Variants in ERBB4 observed in about 807,000 individuals in gnomAD.
ERBB4 encodes the protein erb-b2 receptor tyrosine kinase 4, also known as receptor tyrosine-protein kinase erbB-4.
A neutral mutation model predicts 158.0 loss-of-function variants in ERBB4; 42 were observed. The ratio of observed to expected loss-of-function variants is 0.27; its 90% CI spans 0.21 to 0.34. ERBB4 has a LOEUF of 0.34. Among genes scored for constraint, ERBB4 ranks in the 10% least tolerant of loss-of-function variants. The pLI is 1.00. For missense variants in ERBB4, 1,333 were observed against 1,624.1 expected (o/e 0.82, Z 3.08); for synonymous variants, 583 against 558.7 (o/e 1.04, Z -0.61).
chr2:211,652,841 T>C (rs2071046371), intron 16 of ERBB4, among the ~76,000 whole-genome samples: 1 of 152,196 alleles, frequency 6.6e-6, no homozygotes, highest in Non-Finnish European at 1.5e-5. Flanking sequence ...GAAGAGTTAT[T>C]AGTCAGTTAA....
chr2:212,261,357 A>G (rs149162798), intron 1 of ERBB4, among the ~76,000 whole-genome samples: 5 of 152,306 alleles, frequency 3.3e-5, no homozygotes, highest in African/African-American at 1.2e-4. Flanking sequence ...ATGAGGATCA[A>G]TCTTAGGTAG....
chr2:212,225,988 G>T (rs765665092), intron 1 of ERBB4, among the ~76,000 whole-genome samples: 24 of 152,156 alleles, frequency 1.6e-4, no homozygotes, highest in Non-Finnish European at 2.8e-4. Flanking sequence ...TCTCAAATCA[G>T]TTGACTTTGA....
At chr2:211,852,635 A>AC in intron 3 of ERBB4, among the ~76,000 whole-genome samples, 1 of 83,136 alleles carries the variant, frequency 1.2e-5, no homozygotes, top group South Asian at 4.6e-4. Flanking sequence ...ACAATGGCCA[A>AC]CTTTTTTTTT....
At chr2:212,286,594 C>CTTTTTTTTTTTTT (rs71054190) in intron 1 of ERBB4, among the ~76,000 whole-genome samples, 4 of 55,542 alleles carry the variant, frequency 7.2e-5, no homozygotes, top group African/African-American at 1.7e-4. Context: ...TAAGTGCTGA[C>CTTTTTTTTTTTTT]TTTTTTTTTT....
At chr2:212,271,281 A>G (rs1194152281) in intron 1 of ERBB4, among the ~76,000 whole-genome samples, 2 of 151,794 alleles carry the variant, frequency 1.3e-5, no homozygotes, top group African/African-American at 4.8e-5. Context: ...GATTGCTAAT[A>G]ATAAGGCTCT....
At chr2:211,950,483 T>G (rs186721152) in intron 2 of ERBB4, among the ~76,000 whole-genome samples, 5 of 152,232 alleles carry the variant, frequency 3.3e-5, no homozygotes, top group African/African-American at 1.2e-4. Flanking sequence ...TCTGTCAAAA[T>G]GGGAAAATAT....
intron 1 of ERBB4, among the ~76,000 whole-genome samples, chr2:212,333,810 A>G (rs1250367281): frequency 6.6e-6 from 1 of 152,044 alleles, no homozygotes; most frequent in Non-Finnish European, 1.5e-5. Context: ...GTGAACCAGA[A>G]TTTTGGAACT....
At chr2:211,562,204 A>T in intron 19 of ERBB4, 116 bp from the exon 20 acceptor site, 2 of 804,860 alleles carry the variant, frequency 2.5e-6, no homozygotes, top group Non-Finnish European at 4.1e-6. Flanking sequence ...ACTCAATGGA[A>T]TCAATCAAAA....
At chr2:211,929,638 A>T (rs2080118633) in intron 3 of ERBB4, among the ~76,000 whole-genome samples, 1 of 152,150 alleles carries the variant, frequency 6.6e-6, no homozygotes, top group Non-Finnish European at 1.5e-5. Flanking sequence ...TTTTCTGTAA[A>T]ATTAATTTTA....
At chr2:212,311,111 A>C (rs1392075972) in intron 1 of ERBB4, among the ~76,000 whole-genome samples, 1 of 150,810 alleles carries the variant, frequency 6.6e-6, no homozygotes, top group Non-Finnish European at 1.5e-5. Flanking sequence ...ATTTCTAATG[A>C]CTAGGACATT....
intron 1 of ERBB4, among the ~76,000 whole-genome samples, chr2:212,449,226 T>C (rs2092409821): frequency 6.6e-6 from 1 of 152,158 alleles, no homozygotes; most frequent in Non-Finnish European, 1.5e-5. Flanking sequence ...TACTGTATCT[T>C]AGAAATGTAT....
chr2:212,331,071 T>TGTATATATATATATAC (rs1553619153), intron 1 of ERBB4, among the ~76,000 whole-genome samples: 1 of 120,024 alleles, frequency 8.3e-6, no homozygotes, highest in African/African-American at 2.8e-5. Flanking sequence ...TATATATATA[T>TGTATATATATATATAC]ACACATATAT....
Position 211,383,386 on chromosome 2 carries a change from C to CATG in ERBB4, c.*226_*228dup. On this transcript the variant is annotated 3_prime_UTR_variant, in exon 28 of 28. Transcript: ENST00000342788. ...AGCTGTTTCATTCTCCTGACCAACC[C>CATG]ATGCAGAGAAATGAAGAAACATTGT... 1 of 552,440 alleles carries CATG rather than the reference C, an allele frequency of 1.8e-6. No individual in the cohort carries two copies. Among genetic ancestry groups the CATG allele is most frequent in the Non-Finnish European group, 3.2e-6 (1 of 307,704 alleles). The allele number at this position is 552,440 out of a possible 1,614,324, so 34.2% of individuals were successfully genotyped here.
At chr2:212,512,415 T>C (rs1691578485) in intron 1 of ERBB4, among the ~76,000 whole-genome samples, 1 of 151,896 alleles carries the variant, frequency 6.6e-6, no homozygotes, top group Non-Finnish European at 1.5e-5. Context: ...TTGTCAGGAA[T>C]GTGTAATTTA....
chr2:211,509,566 G>A (rs2125610003), intron 20 of ERBB4, among the ~76,000 whole-genome samples: 1 of 152,014 alleles, frequency 6.6e-6, no homozygotes, highest in East Asian at 1.9e-4. Context: ...GTCCCCAAAA[G>A]TAATTACAAC....
Position 212,014,963 on chromosome 2 carries a change from C to CGGATGGATCACGAGGTAA in ERBB4, c.235-67365_235-67348dup, listed in dbSNP as rs2076474174. Among the ~76,000 whole-genome samples, 3 of 146,212 alleles carry CGGATGGATCACGAGGTAA rather than the reference C, an allele frequency of 2.1e-5. No homozygotes were observed. In the Admixed American group the frequency reaches 2.1e-4, roughly 10 times the overall value. On this transcript the variant is annotated intron_variant, in intron 2 of 27. Transcript: ENST00000342788. ...ATCGCAGCACTTTGGGAGGCGAAGG[C>CGGATGGATCACGAGGTAA]GGATGGATCACGAGGTAAGGAGAAC...
At chr2:211,907,566 C>T (rs1270659491) in intron 3 of ERBB4, among the ~76,000 whole-genome samples, 6 of 151,648 alleles carry the variant, frequency 4.0e-5, no homozygotes, top group South Asian at 2.1e-4. Flanking sequence ...CCTTATCTTA[C>T]TATGCAGAGG....
intron 16 of ERBB4, among the ~76,000 whole-genome samples, chr2:211,635,707 A>T (rs1574900211): frequency 6.6e-6 from 1 of 152,138 alleles, no homozygotes; most frequent in East Asian, 1.9e-4. Flanking sequence ...AGGACTGGCT[A>T]TCTTTTAAAA....
At chr2:212,529,765 T>C (rs1692650479) in intron 1 of ERBB4, among the ~76,000 whole-genome samples, 1 of 152,190 alleles carries the variant, frequency 6.6e-6, no homozygotes, top group Non-Finnish European at 1.5e-5. Context: ...TAAGTGATAT[T>C]GATAAGGACT....
Sources: gnomAD v4.1 joint callset for allele counts (sites outside exome capture counted in the v4.1 genomes callset) on GRCh38, gnomAD v4.1.1 for gene constraint, MANE v1.5 for transcripts, NCBI Gene and HGNC (gene_info 2026-07-23, HGNC 2026-07-21) for gene names.